NDUFA10: variants seen among roughly 807,000 people sequenced by gnomAD.
NDUFA10 encodes NADH dehydrogenase [ubiquinone] 1 alpha subcomplex subunit 10, mitochondrial.
NDUFA10 carries 40 observed loss-of-function variants against 47.8 expected under a neutral mutation model. That is an observed-to-expected ratio of 0.84 (90% CI 0.65 to 1.09). The LOEUF (loss-of-function observed/expected upper bound fraction) is 1.09, where lower values mean the gene tolerates loss of function less well. Ranked by LOEUF, NDUFA10 falls within the 50% of genes least tolerant of loss-of-function variation. The pLI is 0.00. For missense variants in NDUFA10, 413 were observed against 451.1 expected, an observed-to-expected ratio of 0.92 and a Z score of 0.76; for synonymous variants, 183 against 172.2, an observed-to-expected ratio of 1.06 and a Z score of -0.49.
chr2:239,971,990 AC>A (rs1695321777), intron 9 of NDUFA10, among the ~76,000 whole-genome samples: 1 of 152,010 alleles, frequency 6.6e-6, no homozygotes, highest in Non-Finnish European at 1.5e-5. Context: ...AATCCACTCT[AC>A]CCAGATAAAG....
chr2:239,932,018 T>C (rs1694183379), intron 4 of NDUFA10, among the ~76,000 whole-genome samples: 1 of 151,886 alleles, frequency 6.6e-6, no homozygotes, highest in Admixed American at 6.6e-5. Context: ...GTATTTTTAG[T>C]AGAGACGGGG....
chr2:239,936,476 AC>A (rs1694267957), intron 4 of NDUFA10, among the ~76,000 whole-genome samples: 1 of 152,212 alleles, frequency 6.6e-6, no homozygotes, highest in South Asian at 2.1e-4. Flanking sequence ...CATAGCAGGC[AC>A]AACACCGAGG....
intron 8 of NDUFA10, among the ~76,000 whole-genome samples, chr2:239,992,153 A>C (rs1422876315): frequency 6.6e-6 from 1 of 152,252 alleles, no homozygotes; most frequent in Non-Finnish European, 1.5e-5. Context: ...TTTATGACTC[A>C]GGAAGCAAAA....
At chr2:240,021,720 A>T (rs1435817297) in intron 2 of NDUFA10, among the ~76,000 whole-genome samples, 1 of 152,234 alleles carries the variant, frequency 6.6e-6, no homozygotes, top group East Asian at 1.9e-4. Flanking sequence ...GGTGCTACAG[A>T]AAGGTACAAT....
At chr2:239,952,765 G>A (rs776183512), downstream of NDUFA10, among the ~76,000 whole-genome samples, 1 of 152,228 alleles carries the variant, frequency 6.6e-6, no homozygotes, top group Non-Finnish European at 1.5e-5. Flanking sequence ...CCAGGGCCCC[G>A]GAGGGGTGCA....
At chr2:239,988,380 A>G (rs558497132) in intron 9 of NDUFA10, among the ~76,000 whole-genome samples, 7 of 152,316 alleles carry the variant, frequency 4.6e-5, no homozygotes, top group African/African-American at 1.7e-4. Flanking sequence ...CCTAAAACAT[A>G]CATGAGACAA....
In NDUFA10 at chr2:239,961,045, A is replaced by C; in HGVS notation, c.*73T>G. 1 of 1,608,568 alleles carries C rather than the reference A, an allele frequency of 6.2e-7. No homozygotes were observed. On this transcript the variant is annotated 3_prime_UTR_variant, in exon 10 of 10. Coordinates refer to ENST00000252711, the MANE Select transcript of NDUFA10 (RefSeq NM_004544.4). ...TACCCTCCCCCGATCTTAAAGCTAT[A>C]TGGCGTCCAGGAGAGTGCGGCTGAT...
chr2:239,977,000 G>GA (rs1413789308), intron 9 of NDUFA10, among the ~76,000 whole-genome samples: 1 of 152,056 alleles, frequency 6.6e-6, no homozygotes, highest in Non-Finnish European at 1.5e-5. Context: ...GAAGAAAAAC[G>GA]AGTTGGCTGG....
intron 4 of NDUFA10, among the ~76,000 whole-genome samples, chr2:239,911,952 T>C (rs57409058): frequency 6.6e-6 from 1 of 151,522 alleles, no homozygotes. Flanking sequence ...CCCTGGGGGG[T>C]TTCCTGGGAT....
intron 4 of NDUFA10, among the ~76,000 whole-genome samples, chr2:239,921,677 C>T (rs116285323): frequency 2.2e-5 from 3 of 134,296 alleles, no homozygotes; most frequent in East Asian, 2.4e-4. Context: ...CACTGATTGG[C>T]GCATTTTACA....
At chr2:239,998,357 G>C (rs1307131650) in intron 8 of NDUFA10, among the ~76,000 whole-genome samples, 1 of 152,132 alleles carries the variant, frequency 6.6e-6, no homozygotes, top group African/African-American at 2.4e-5. Context: ...AAAATCCCAG[G>C]CTCTGCCCAA....
At chr2:240,008,005 C>T (rs1697011688) in intron 6 of NDUFA10, among the ~76,000 whole-genome samples, 1 of 152,194 alleles carries the variant, frequency 6.6e-6, no homozygotes, top group Admixed American at 6.5e-5. Context: ...ATACTGAAAT[C>T]AGCATCTGAC....
intron 4 of NDUFA10, among the ~76,000 whole-genome samples, chr2:239,905,301 C>G (rs1693626405): frequency 6.6e-6 from 1 of 152,212 alleles, no homozygotes; most frequent in Non-Finnish European, 1.5e-5. Context: ...TCACAGAGGA[C>G]AGAGGAGGGG....
chr2:239,915,336 A>AG (rs1693842432), intron 4 of NDUFA10, among the ~76,000 whole-genome samples: 1 of 100,902 alleles, frequency 9.9e-6, no homozygotes. Context: ...ACAGAGAACG[A>AG]AGACATACTC....
At chr2:240,002,330 C>CAAAAAAAAAA (rs61475593) in intron 8 of NDUFA10, among the ~76,000 whole-genome samples, 6 of 83,756 alleles carry the variant, frequency 7.2e-5, no homozygotes, top group East Asian at 3.0e-4. Context: ...AACTCTGACT[C>CAAAAAAAAAA]AAAAAAAAAA....
chr2:239,968,897 T>C (rs1033517052), intron 9 of NDUFA10, among the ~76,000 whole-genome samples: 4 of 152,180 alleles, frequency 2.6e-5, no homozygotes, highest in African/African-American at 7.2e-5. Flanking sequence ...AGGGACCCCA[T>C]GGCCATGCCT....
rs889585226 is a variant in NDUFA10 at position 239,987,378 on chromosome 2, A to T, written c.999+2696T>A. ...TCTGGGCCCCATCCCCTGCGTGTCT[A>T]GTCCAGGAGGCCTGGACTGAAGCCT... On this transcript the variant is annotated intron_variant, in intron 9 of 9. Transcript: ENST00000252711. The surrounding 1 kb of genome is among the most constrained non-coding windows in gnomAD (Gnocchi z 4.8). Among the ~76,000 whole-genome samples the T allele has an allele frequency of 2.0e-5, 3 of 152,064 alleles. No homozygotes were observed. The highest frequency in any genetic ancestry group is 4.4e-5 in the Non-Finnish European group (3 of 68,012).
chr2:239,915,484 C>G (rs1396250713), intron 4 of NDUFA10, among the ~76,000 whole-genome samples: 17 of 101,952 alleles, frequency 1.7e-4, no homozygotes, highest in African/African-American at 7.3e-4. Context: ...ACACACAGAA[C>G]ACACACACAG....
chr2:239,947,608 G>A (rs974825507), intron 4 of NDUFA10, among the ~76,000 whole-genome samples: 3 of 152,102 alleles, frequency 2.0e-5, no homozygotes, highest in South Asian at 2.1e-4. Flanking sequence ...CGCCCTCCCC[G>A]CCGAGCCCCA....
Sources: gnomAD v4.1 joint callset for allele counts (sites outside exome capture counted in the v4.1 genomes callset) on GRCh38, gnomAD v4.1.1 for gene constraint, Gnocchi (gnomAD v3.1) non-coding constraint, MANE v1.5 for transcripts, NCBI Gene and HGNC (gene_info 2026-07-23, HGNC 2026-07-21) for gene names.